GALNT17: variants seen among roughly 807,000 people sequenced by gnomAD.
GALNT17 encodes the protein UDP-GalNAc:polypeptide N-acetylgalactosaminyltransferase-like 3.
GALNT17 carries 29 observed loss-of-function variants against 63.7 expected under a neutral mutation model. The ratio of observed to expected loss-of-function variants is 0.46; its 90% CI spans 0.34 to 0.62. GALNT17 has a LOEUF of 0.62. Ranked by LOEUF, GALNT17 falls within the 20% of genes least tolerant of loss-of-function variation. The pLI is 0.01. For synonymous variants in GALNT17, 305 were observed against 318.3 expected (o/e 0.96, Z 0.45); for missense variants, 603 against 799.6 (o/e 0.75, Z 2.97).
intron 6 of GALNT17, among the ~76,000 whole-genome samples, chr7:71,636,751 T>C (rs1188399455): frequency 6.6e-6 from 1 of 152,188 alleles, no homozygotes; most frequent in Non-Finnish European, 1.5e-5. Flanking sequence ...TCCAGTCTTA[T>C]TCAGTCGTTG....
At chr7:71,426,237 C>G (rs1044155497) in intron 5 of GALNT17, among the ~76,000 whole-genome samples, 1 of 152,172 alleles carries the variant, frequency 6.6e-6, no homozygotes, top group African/African-American at 2.4e-5. Flanking sequence ...GCCACAGGAG[C>G]AACATGGCCA....
chr7:71,185,756 C>G (rs1390507582), intron 1 of GALNT17, among the ~76,000 whole-genome samples: 1 of 152,166 alleles, frequency 6.6e-6, no homozygotes, highest in East Asian at 1.9e-4. Context: ...ATCCGCCCAC[C>G]TCGGCCTACC....
chr7:71,217,485 T>C (rs1789506161), intron 1 of GALNT17, among the ~76,000 whole-genome samples: 1 of 152,192 alleles, frequency 6.6e-6, no homozygotes, highest in South Asian at 2.1e-4. Context: ...ATTAGGTTGC[T>C]TTTATCTAGG....
intron 6 of GALNT17, among the ~76,000 whole-genome samples, chr7:71,612,014 T>C (rs1193968769): frequency 6.6e-6 from 1 of 152,214 alleles, no homozygotes; most frequent in African/African-American, 2.4e-5. Context: ...CATCTCTTGG[T>C]TGAAGCAATC....
intron 1 of GALNT17, among the ~76,000 whole-genome samples, chr7:71,138,153 C>A (rs1723009615): frequency 6.6e-6 from 1 of 152,060 alleles, no homozygotes; most frequent in African/African-American, 2.4e-5. Flanking sequence ...TTTAGACCAA[C>A]CTGGGCAACA....
At chr7:71,677,152 C>A in intron 8 of GALNT17, 59 bp from the exon 9 acceptor site, 1 of 1,558,840 alleles carries the variant, frequency 6.4e-7, no homozygotes, top group Non-Finnish European at 8.8e-7. Flanking sequence ...AACAGTGACT[C>A]GGCATCCACA....
At chr7:71,290,514 T>G (rs1227642322) in intron 1 of GALNT17, among the ~76,000 whole-genome samples, 1 of 152,140 alleles carries the variant, frequency 6.6e-6, no homozygotes, top group African/African-American at 2.4e-5. Flanking sequence ...GAGGCTACCC[T>G]GCTTTCTTAG....
intron 2 of GALNT17, among the ~76,000 whole-genome samples, chr7:71,349,201 A>C (rs1317324408): frequency 1.3e-5 from 2 of 152,176 alleles, no homozygotes; most frequent in Non-Finnish European, 2.9e-5. Context: ...ACATTCTCCA[A>C]GTGGCAGCAG....
intron 5 of GALNT17, among the ~76,000 whole-genome samples, chr7:71,483,806 T>C (rs1258785681): frequency 6.6e-6 from 1 of 152,228 alleles, no homozygotes; most frequent in East Asian, 1.9e-4. Context: ...TAAAACACAT[T>C]GTACAGCTGT....
At chr7:71,256,586 CAAAAACCAAAAACA>C (rs1214669915) in intron 1 of GALNT17, among the ~76,000 whole-genome samples, 2 of 109,142 alleles carry the variant, frequency 1.8e-5, no homozygotes, top group Non-Finnish European at 4.1e-5. Context: ...AAATAAAAAC[CAAAAACCAAAAACA>C]AAAAAACAAA....
At chr7:71,645,756 C>T (rs907510476) in intron 6 of GALNT17, among the ~76,000 whole-genome samples, 9 of 152,144 alleles carry the variant, frequency 5.9e-5, no homozygotes, top group African/African-American at 1.9e-4. Context: ...CTGATCAAAG[C>T]CCTAATGTTT....
intron 1 of GALNT17, among the ~76,000 whole-genome samples, chr7:71,265,901 T>C (rs966017907): frequency 7.9e-5 from 12 of 152,214 alleles, no homozygotes; most frequent in Admixed American, 5.9e-4. Context: ...TTTATTCTTA[T>C]AGTTTTCGAG....
At chr7:71,209,757 A>C (rs1371719137) in intron 1 of GALNT17, among the ~76,000 whole-genome samples, 2 of 152,160 alleles carry the variant, frequency 1.3e-5, no homozygotes, top group Non-Finnish European at 2.9e-5. Flanking sequence ...ACTGGGAAGA[A>C]AAAGAGGTTT....
intron 1 of GALNT17, among the ~76,000 whole-genome samples, chr7:71,318,418 T>C (rs1583857001): frequency 6.8e-6 from 1 of 147,670 alleles, no homozygotes; most frequent in South Asian, 2.2e-4. Context: ...GCTCTTTTTT[T>C]TTTGTGTGTG....
intron 1 of GALNT17, among the ~76,000 whole-genome samples, chr7:71,215,128 C>T (rs1487259979): frequency 1.3e-5 from 2 of 152,200 alleles, no homozygotes; most frequent in African/African-American, 2.4e-5. Flanking sequence ...CACCTTTCAT[C>T]TTTTCGGGAA....
chr7:71,371,154 C>G (rs1001143964), intron 2 of GALNT17, among the ~76,000 whole-genome samples: 3 of 152,150 alleles, frequency 2.0e-5, no homozygotes, highest in Non-Finnish European at 4.4e-5. Context: ...TTATTTAATG[C>G]CTCTTCATGT....
At chr7:71,577,620 A>G (rs1482444083) in intron 6 of GALNT17, among the ~76,000 whole-genome samples, 1 of 152,140 alleles carries the variant, frequency 6.6e-6, no homozygotes, top group East Asian at 1.9e-4. Flanking sequence ...GTCACCAGGA[A>G]GCGATTCAGA....
intron 1 of GALNT17, among the ~76,000 whole-genome samples, chr7:71,269,829 A>AT (rs1434415375): frequency 2.0e-5 from 3 of 152,192 alleles, no homozygotes; most frequent in African/African-American, 7.2e-5. Flanking sequence ...GGGGGAGGTG[A>AT]TGGAAGACGG....
intron 5 of GALNT17, among the ~76,000 whole-genome samples, chr7:71,474,084 A>G (rs1787684803): frequency 6.6e-6 from 1 of 152,150 alleles, no homozygotes; most frequent in Non-Finnish European, 1.5e-5. Flanking sequence ...AATTCCTGGA[A>G]CTGAGGGTTT....
Sources: gnomAD v4.1 joint callset for allele counts (sites outside exome capture counted in the v4.1 genomes callset) on GRCh38, gnomAD v4.1.1 for gene constraint, MANE v1.5 for transcripts, NCBI Gene and HGNC (gene_info 2026-07-23, HGNC 2026-07-21) for gene names.